The following CADM2 variants were observed in gnomAD, a reference collection of about 807,000 sequenced individuals.
CADM2 encodes the protein cell adhesion molecule 2, also known as immunoglobulin superfamily member 4D.
A neutral mutation model predicts 49.8 loss-of-function variants in CADM2; 12 were observed. The observed-to-expected ratio is 0.24, with a 90% CI of 0.15 to 0.39. CADM2 has a LOEUF of 0.39. Among genes scored for constraint, CADM2 ranks in the 10% least tolerant of loss-of-function variants. The pLI is 1.00. For missense variants in CADM2, 378 were observed against 492.3 expected (o/e 0.77, Z 2.20); for synonymous variants, 214 against 175.4 (o/e 1.22, Z -1.74).
intron 1 of CADM2, among the ~76,000 whole-genome samples, chr3:85,645,245 C>T (rs960358750): frequency 4.6e-5 from 7 of 151,932 alleles, no homozygotes; most frequent in Admixed American, 4.6e-4. Flanking sequence ...TAGATTTTTT[C>T]AAGTAAGGCA....
chr3:85,987,728 T>A (rs139362225), intron 8 of CADM2, among the ~76,000 whole-genome samples: 9,686 of 138,530 alleles, frequency 0.07, 834 homozygotes, highest in African/African-American at 0.22. Context: ...TAAATATAAT[T>A]ATTATAATTT....
intron 3 of CADM2, among the ~76,000 whole-genome samples, chr3:85,876,924 T>G (rs1364569635): frequency 6.6e-6 from 1 of 152,188 alleles, no homozygotes. Flanking sequence ...GCATTTTTAT[T>G]TTATTCAGCA....
At chr3:85,744,449 T>G (rs1230667185) in intron 2 of CADM2, among the ~76,000 whole-genome samples, 5 of 152,090 alleles carry the variant, frequency 3.3e-5, no homozygotes, top group African/African-American at 1.2e-4. Context: ...ACATTGTGTA[T>G]CTGTATCAAA....
rs1489847664 is a variant in CADM2, at chr3:86,020,522, G to C, written c.971-45083G>C. 3.0e-3 allele frequency among the ~76,000 whole-genome samples: 450 copies of C among 151,652 alleles called. 3 individuals are homozygous for C. Among genetic ancestry groups the C allele is most frequent in the African/African-American group, 9.8e-3 (405 of 41,302 alleles). The stretch of plus-strand genomic sequence containing the variant: ...ATCATTCTGATACCAAAGCCAGGCA[G>C]AGACACAACAAAAAAAGAGAATTTT... On this transcript the variant is annotated intron_variant, in intron 8 of 9. Transcript: ENST00000383699.
chr3:85,527,433 A>G (rs1044394475), intron 1 of CADM2, among the ~76,000 whole-genome samples: 1 of 149,896 alleles, frequency 6.7e-6, no homozygotes, highest in African/African-American at 2.4e-5. Flanking sequence ...GTCTGTAGTT[A>G]TGTACTATTA....
chr3:85,154,335 A>G (rs1408993411), intron 1 of CADM2, among the ~76,000 whole-genome samples: 1 of 152,196 alleles, frequency 6.6e-6, no homozygotes, highest in Non-Finnish European at 1.5e-5. Flanking sequence ...AAGAAAGGGT[A>G]TCAGCGATGG....
In CADM2 at chr3:85,281,538, G is replaced by A. The variant is rs114344091; in HGVS notation, c.61+321870G>A. 4.9e-3 allele frequency among the ~76,000 whole-genome samples: 750 copies of A among 152,082 alleles called. 7 individuals are homozygous for A. The highest frequency in any genetic ancestry group is 0.017 in the African/African-American group (726 of 41,536). The stretch of plus-strand genomic sequence containing the variant: ...ATAACTTTTCAAAGAGTGCCATTGT[G>A]TTAATTGCCTGTTTAAACACATTTT... On this transcript the variant is annotated intron_variant, in intron 1 of 9. Transcript: ENST00000383699.
chr3:85,151,627 C>T (rs560315888), intron 1 of CADM2, among the ~76,000 whole-genome samples: 79 of 152,260 alleles, frequency 5.2e-4, no homozygotes, highest in African/African-American at 1.8e-3. Context: ...TATGATGGCT[C>T]CCTCATAATT....
At chr3:85,801,990 GCAGTTAA>G in intron 2 of CADM2, 50 bp from the exon 3 acceptor site, 1 of 1,202,420 alleles carries the variant, frequency 8.3e-7, no homozygotes, top group Non-Finnish European at 1.1e-6. Flanking sequence ...TAGATCTTAG[GCAGTTAA>G]TCATTTTATG....
intron 1 of CADM2, among the ~76,000 whole-genome samples, chr3:85,441,586 A>C (rs2037203313): frequency 6.6e-6 from 1 of 152,098 alleles, no homozygotes; most frequent in African/African-American, 2.4e-5. Context: ...CTTTATTAAC[A>C]TTCTGGATTT....
intron 3 of CADM2, among the ~76,000 whole-genome samples, chr3:85,841,637 G>T (rs1277757489): frequency 6.6e-6 from 1 of 151,912 alleles, no homozygotes; most frequent in Admixed American, 6.6e-5. Context: ...GTGGCTGTTG[G>T]GGTGGACGAG....
chr3:85,015,685 G>C (rs569429177), intron 1 of CADM2, among the ~76,000 whole-genome samples: 1 of 152,288 alleles, frequency 6.6e-6, no homozygotes, highest in South Asian at 2.1e-4. Context: ...CAAAAGGGAA[G>C]TAAAAGAAAG....
intron 1 of CADM2, among the ~76,000 whole-genome samples, chr3:85,108,946 A>G (rs1045085837): frequency 1.3e-5 from 2 of 152,078 alleles, no homozygotes; most frequent in African/African-American, 4.8e-5. Flanking sequence ...GTTAACTAAA[A>G]CCCTAAATAA....
At chr3:86,046,935 C>G (rs898636044) in intron 8 of CADM2, among the ~76,000 whole-genome samples, 7 of 151,762 alleles carry the variant, frequency 4.6e-5, no homozygotes, top group African/African-American at 1.5e-4. Flanking sequence ...TCTTGGAATG[C>G]TGTTGATGTT....
chr3:85,777,762 T>C (rs1237591821), intron 2 of CADM2, among the ~76,000 whole-genome samples: 1 of 152,164 alleles, frequency 6.6e-6, no homozygotes, highest in Non-Finnish European at 1.5e-5. Context: ...TCTCTCAAAT[T>C]GTCTAACATG....
intron 1 of CADM2, among the ~76,000 whole-genome samples, chr3:85,630,167 T>G (rs1232638360): frequency 6.6e-6 from 1 of 152,064 alleles, no homozygotes; most frequent in Non-Finnish European, 1.5e-5. Flanking sequence ...CCATGCTTTT[T>G]GCCACTCTAT....
At chr3:85,325,521 C>A (rs2044727470) in intron 1 of CADM2, among the ~76,000 whole-genome samples, 1 of 151,966 alleles carries the variant, frequency 6.6e-6, no homozygotes, top group Admixed American at 6.6e-5. Context: ...ACCAGGATGG[C>A]CAACATGGCG....
intron 5 of CADM2, among the ~76,000 whole-genome samples, chr3:85,893,367 A>T (rs1714737212): frequency 6.6e-6 from 1 of 152,226 alleles, no homozygotes; most frequent in Non-Finnish European, 1.5e-5. Flanking sequence ...AAGGACTTAA[A>T]TGTTAGACCT....
At chr3:85,223,758 C>T (rs931315471) in intron 1 of CADM2, among the ~76,000 whole-genome samples, 1 of 152,066 alleles carries the variant, frequency 6.6e-6, no homozygotes, top group African/African-American at 2.4e-5. Flanking sequence ...CCCTGTGCCC[C>T]ACTCCCCCAA....
Sources: allele counts gnomAD v4.1 joint callset (sites outside exome capture counted in the v4.1 genomes callset), GRCh38; gene constraint gnomAD v4.1.1; transcripts MANE v1.5; gene names NCBI Gene and HGNC (gene_info 2026-07-23, HGNC 2026-07-21).